RAB31: variants seen among roughly 807,000 people sequenced by gnomAD.
The protein encoded by RAB31 is RAB31, member RAS oncogene family, also known as ras-related protein Rab-31.
Under a neutral mutation model 25.6 loss-of-function variants are expected in RAB31, and 21 were observed. The observed-to-expected ratio is 0.82, with a 90% confidence interval of 0.58 to 1.18. RAB31 has a LOEUF of 1.18. RAB31 is among the 50% of genes most tolerant of loss of function. RAB31 has a pLI of 0.00. For missense variants in RAB31, 196 were observed against 250.1 expected (o/e 0.78, Z 1.46); for synonymous variants, 87 against 84.0 (o/e 1.04, Z -0.20).
intron 5 of RAB31, among the ~76,000 whole-genome samples, chr18:9,822,593 C>T (rs1369222134): frequency 2.0e-5 from 3 of 151,850 alleles, no homozygotes; most frequent in Non-Finnish European, 4.4e-5. Context: ...AGTATGTAGA[C>T]TATATAAAGA....
At chr18:9,831,989 A>G (rs951977785) in intron 5 of RAB31, among the ~76,000 whole-genome samples, 1 of 152,162 alleles carries the variant, frequency 6.6e-6, no homozygotes, top group Admixed American at 6.5e-5. Context: ...TGAAATGCCT[A>G]CTCAGCTGTT....
intron 2 of RAB31, among the ~76,000 whole-genome samples, chr18:9,783,525 C>T (rs909715330): frequency 3.3e-5 from 5 of 151,766 alleles, no homozygotes; most frequent in African/African-American, 4.8e-5. Flanking sequence ...CTAGAATATA[C>T]TGAAGAATAA....
In RAB31 at chr18:9,733,271, G is replaced by A. The variant is rs113964955; in HGVS notation, c.39+24827G>A. Among the ~76,000 whole-genome samples the A allele has an allele frequency of 5.5e-3, 834 of 152,250 alleles. 8 individuals carry two copies. Among genetic ancestry groups the A allele is most frequent in the African/African-American group, 0.019 (799 of 41,522 alleles). On this transcript the variant is annotated intron_variant, in intron 1 of 6. Coordinates refer to ENST00000578921, the MANE Select transcript of RAB31 (RefSeq NM_006868.4). ...ATATTGGAAATGATCCTAGATCCTG[G>A]ATCCTTCCTCTTCCCAAACAGTGAG...
In RAB31 at chr18:9,859,947, A is replaced by G. The variant is rs769134182; in HGVS notation, c.*622A>G. 6.6e-6 allele frequency: 1 copy of G among 152,206 alleles called. No homozygotes were observed. The highest frequency in any genetic ancestry group is 1.9e-4 in the East Asian group (1 of 5,206). 9.4% of individuals were successfully genotyped at this position (152,206 alleles called of 1,614,324 possible). A position where few individuals can be genotyped will look rare whatever the true frequency, so the allele number is the denominator to read the frequency against. ...CTACACCACTTTTAATTGGTGAACAATTTTTCTAAGTTATGGTCATATATA... is the reference window on the plus strand; with the variant it reads ...CTACACCACTTTTAATTGGTGAACAGTTTTTCTAAGTTATGGTCATATATA... On this transcript the variant is annotated 3_prime_UTR_variant, in exon 7 of 7. Transcript: ENST00000578921.
At chr18:9,709,280 A>C (rs2068003887) in intron 1 of RAB31, among the ~76,000 whole-genome samples, 1 of 152,110 alleles carries the variant, frequency 6.6e-6, no homozygotes. Context: ...AATTCAGATA[A>C]ACGTAGGGTC....
At chr18:9,714,503 G>A (rs958590112) in intron 1 of RAB31, among the ~76,000 whole-genome samples, 7 of 152,186 alleles carry the variant, frequency 4.6e-5, no homozygotes, top group African/African-American at 9.7e-5. Flanking sequence ...GGTCAGTACC[G>A]CCCCAGGGGT....
At chr18:9,823,683 A>G (rs1319801449) in intron 5 of RAB31, among the ~76,000 whole-genome samples, 2 of 152,212 alleles carry the variant, frequency 1.3e-5, no homozygotes, top group Non-Finnish European at 2.9e-5. Flanking sequence ...TGCATTATAT[A>G]TATTATATAC....
intron 1 of RAB31, among the ~76,000 whole-genome samples, chr18:9,762,766 A>G (rs1310819205): frequency 6.6e-6 from 1 of 152,054 alleles, no homozygotes; most frequent in East Asian, 1.9e-4. Context: ...ACTGATCTGA[A>G]GAGTAGGGGA....
intron 1 of RAB31, among the ~76,000 whole-genome samples, chr18:9,768,404 G>A (rs188618618): frequency 1.3e-5 from 2 of 152,318 alleles, no homozygotes; most frequent in African/African-American, 4.8e-5. Context: ...TAACTGGTGT[G>A]AGATGGCATT....
intron 3 of RAB31, among the ~76,000 whole-genome samples, chr18:9,794,796 C>T (rs1353045343): frequency 6.6e-6 from 1 of 151,916 alleles, no homozygotes; most frequent in African/African-American, 2.4e-5. Context: ...GCCTGGGTGA[C>T]AGAGAGAGAG....
At chr18:9,840,221 T>C (rs1421745156) in intron 5 of RAB31, among the ~76,000 whole-genome samples, 1 of 152,236 alleles carries the variant, frequency 6.6e-6, no homozygotes, top group Non-Finnish European at 1.5e-5. Flanking sequence ...TCTCAGTGAT[T>C]TCTGCATATA....
At chr18:9,751,749 G>A (rs2068236225) in intron 1 of RAB31, among the ~76,000 whole-genome samples, 1 of 152,210 alleles carries the variant, frequency 6.6e-6, no homozygotes, top group East Asian at 1.9e-4. Context: ...TGATGTAACG[G>A]CAAAGTGAAG....
At chr18:9,850,054 C>T (rs1398602171) in intron 6 of RAB31, among the ~76,000 whole-genome samples, 4 of 152,178 alleles carry the variant, frequency 2.6e-5, no homozygotes, top group Non-Finnish European at 5.9e-5. Flanking sequence ...AGAGAAGTGG[C>T]TTGGACGAGG....
chr18:9,739,737 G>A (rs1468002819), intron 1 of RAB31, among the ~76,000 whole-genome samples: 3 of 152,124 alleles, frequency 2.0e-5, no homozygotes, highest in African/African-American at 4.8e-5. Context: ...CTTGTTTGGT[G>A]GCTTGTGGGG....
chr18:9,791,105 G>A (rs2068457337), intron 2 of RAB31, among the ~76,000 whole-genome samples: 1 of 152,162 alleles, frequency 6.6e-6, no homozygotes, highest in African/African-American at 2.4e-5. Context: ...ATAAGTATGT[G>A]TTAAGCTGCC....
At chr18:9,812,714 T>C (rs1872447442) in intron 3 of RAB31, among the ~76,000 whole-genome samples, 1 of 83,654 alleles carries the variant, frequency 1.2e-5, no homozygotes, top group Non-Finnish European at 2.4e-5. Context: ...TTTTTTTTTT[T>C]TGAGATAAAG....
At chr18:9,753,154 A>G (rs1370667624) in intron 1 of RAB31, among the ~76,000 whole-genome samples, 2 of 152,232 alleles carry the variant, frequency 1.3e-5, no homozygotes, top group African/African-American at 2.4e-5. Flanking sequence ...ATTATAAGAA[A>G]TGAATGGCTT....
At chr18:9,831,172 C>T (rs2068676402) in intron 5 of RAB31, among the ~76,000 whole-genome samples, 1 of 152,172 alleles carries the variant, frequency 6.6e-6, no homozygotes, top group Non-Finnish European at 1.5e-5. Flanking sequence ...ATTTCATGAG[C>T]ACATAGAAGT....
At chr18:9,821,205 T>C (rs1186070259) in intron 5 of RAB31, among the ~76,000 whole-genome samples, 1 of 152,098 alleles carries the variant, frequency 6.6e-6, no homozygotes, top group African/African-American at 2.4e-5. Context: ...GAAACATACT[T>C]TGTATGATTT....
Sources: gnomAD v4.1 joint callset for allele counts (sites outside exome capture counted in the v4.1 genomes callset) on GRCh38, gnomAD v4.1.1 for gene constraint, MANE v1.5 for transcripts, NCBI Gene and HGNC (gene_info 2026-07-23, HGNC 2026-07-21) for gene names.